RBFOX3: variants seen among roughly 807,000 people sequenced by gnomAD.
RBFOX3 encodes the protein RNA binding protein fox-1 homolog 3.
A neutral mutation model predicts 48.7 loss-of-function variants in RBFOX3; 17 were observed. The ratio of observed to expected loss-of-function variants is 0.35; its 90% CI spans 0.24 to 0.52. RBFOX3 has a LOEUF of 0.52. Among genes scored for constraint, RBFOX3 ranks in the 20% least tolerant of loss-of-function variants. RBFOX3 has a pLI of 0.94. For missense variants in RBFOX3, 382 were observed against 497.5 expected (o/e 0.77, Z 2.21); for synonymous variants, 212 against 209.5 (o/e 1.01, Z -0.10).
chr17:79,139,555 G>C (rs541992251), intron 4 of RBFOX3, among the ~76,000 whole-genome samples: 98 of 152,364 alleles, frequency 6.4e-4, no homozygotes, highest in African/African-American at 2.3e-3. Flanking sequence ...TCCCCGTGAG[G>C]CTGGCCGGAA....
chr17:79,295,860 C>A (rs529820626), intron 3 of RBFOX3, among the ~76,000 whole-genome samples: 1 of 152,194 alleles, frequency 6.6e-6, no homozygotes, highest in African/African-American at 2.4e-5. Flanking sequence ...GGGGACTGTG[C>A]AGTATGTTTC....
At chr17:79,193,831 A>G (rs2146558442) in intron 4 of RBFOX3, among the ~76,000 whole-genome samples, 1 of 152,222 alleles carries the variant, frequency 6.6e-6, no homozygotes, top group African/African-American at 2.4e-5. Flanking sequence ...GCCTATTGGG[A>G]GGCAATTTAG....
chr17:79,451,494 T>C (rs782395951), intron 2 of RBFOX3, among the ~76,000 whole-genome samples: 3 of 152,224 alleles, frequency 2.0e-5, no homozygotes, highest in Non-Finnish European at 4.4e-5. Flanking sequence ...CTCTTCACCT[T>C]GACTGCAGCT....
At chr17:79,186,453 C>T (rs1224719611) in intron 4 of RBFOX3, among the ~76,000 whole-genome samples, 3 of 152,228 alleles carry the variant, frequency 2.0e-5, no homozygotes, top group Admixed American at 6.5e-5. Context: ...CCCTCATCAC[C>T]TCCTACCTCC....
chr17:79,282,887 CT>C (rs1433633779), intron 3 of RBFOX3, among the ~76,000 whole-genome samples: 8 of 152,380 alleles, frequency 5.3e-5, no homozygotes, highest in Non-Finnish European at 1.2e-4. Context: ...ACCCTCAGCT[CT>C]GCCTGGTACC....
intron 2 of RBFOX3, among the ~76,000 whole-genome samples, chr17:79,341,966 C>T (rs142945206): frequency 1.1e-3 from 167 of 152,338 alleles, no homozygotes; most frequent in African/African-American, 3.7e-3. Context: ...GGCTTTGGCC[C>T]CCAAGGCTGG....
rs1456936610 is a variant in RBFOX3 at position 79,471,256 on chromosome 17, G to A, written c.-175+11198C>T. On this transcript the variant is annotated intron_variant, in intron 2 of 14. Coordinates refer to ENST00000693108, the MANE Select transcript of RBFOX3 (RefSeq NM_001350451.2). The surrounding 1 kb of genome is among the most constrained non-coding windows in gnomAD (Gnocchi z 4.0). ...TCGTGGCTCTCAGCTCATGGAAAGC[G>A]GGGTACGTGACCAGCACTGGCCAGG... Among the ~76,000 whole-genome samples the A allele has an allele frequency of 6.6e-6, 1 of 152,200 alleles. No homozygotes were observed. The highest frequency in any genetic ancestry group is 1.5e-5 in the Non-Finnish European group (1 of 68,040).
At chr17:79,306,313 T>C (rs533496201) in intron 3 of RBFOX3, among the ~76,000 whole-genome samples, 2 of 152,374 alleles carry the variant, frequency 1.3e-5, no homozygotes, top group African/African-American at 4.8e-5. Flanking sequence ...TCAGCAGTGC[T>C]AGCTGACAAC....
intron 1 of RBFOX3, among the ~76,000 whole-genome samples, chr17:79,565,493 C>T (rs899907710): frequency 6.6e-5 from 10 of 152,026 alleles, no homozygotes; most frequent in Non-Finnish European, 2.9e-5. Context: ...GCATGCACTA[C>T]CACACCCAAT....
At chr17:79,636,964 G>A in the RBFOX3 span, among the ~76,000 whole-genome samples, 3 of 152,180 alleles carry the variant, frequency 2.0e-5, no homozygotes, top group African/African-American at 4.8e-5. Flanking sequence ...AAAGTAAAGC[G>A]ATGGGAAAGG....
chr17:79,327,348 C>T (rs1038090857), intron 2 of RBFOX3, among the ~76,000 whole-genome samples: 1 of 152,322 alleles, frequency 6.6e-6, no homozygotes. Context: ...CTCACCCTGG[C>T]ACAAGCTCTG....
chr17:79,235,925 C>T (rs1039948454), intron 3 of RBFOX3, 120 bp from the exon 4 acceptor site: 4 of 153,260 alleles, frequency 2.6e-5, no homozygotes, highest in African/African-American at 7.2e-5. Flanking sequence ...GAAGCATCAT[C>T]TCCCTGGGAG....
rs1453205865 is a variant in RBFOX3 at position 79,199,474 on chromosome 17, G to C, written c.-34+36292C>G. Among the ~76,000 whole-genome samples, 1 of 151,520 alleles carries C rather than the reference G, an allele frequency of 6.6e-6. No homozygotes were observed. The highest frequency in any genetic ancestry group is 1.5e-5 in the Non-Finnish European group (1 of 67,968). ...GGGGAAATCAGCCCAGGTGGGACTT[G>C]AGGAAGAGGAGAAGGCCAGCCATCT... On this transcript the variant is annotated intron_variant, in intron 4 of 14. Coordinates refer to ENST00000693108, the MANE Select transcript of RBFOX3 (RefSeq NM_001350451.2). This position sits in a 1 kb window ranked among gnomAD's most constrained non-coding sequence, Gnocchi z 5.1.
At chr17:79,171,547 G>A (rs1040019058) in intron 4 of RBFOX3, among the ~76,000 whole-genome samples, 5 of 152,146 alleles carry the variant, frequency 3.3e-5, no homozygotes, top group Admixed American at 2.6e-4. Flanking sequence ...CAGTGGGACA[G>A]ATTTGTTCCA....
intron 2 of RBFOX3, among the ~76,000 whole-genome samples, chr17:79,338,695 G>A (rs777492464): frequency 2.0e-5 from 3 of 152,156 alleles, no homozygotes; most frequent in Admixed American, 6.5e-5. Context: ...TTTGGAACTC[G>A]CATTGCTACA....
chr17:79,573,136 C>T (rs1049020888), intron 1 of RBFOX3, among the ~76,000 whole-genome samples: 19 of 152,318 alleles, frequency 1.2e-4, no homozygotes, highest in African/African-American at 4.1e-4. Flanking sequence ...TTTCTGTCCC[C>T]TCTCCCTGAA....
intron 4 of RBFOX3, among the ~76,000 whole-genome samples, chr17:79,158,945 G>A (rs1416538428): frequency 1.3e-5 from 2 of 152,210 alleles, no homozygotes; most frequent in South Asian, 2.1e-4. Context: ...GGAGTGTGCT[G>A]TAAGCCCCAA....
At chr17:79,190,432 C>CAAAAAAACTTTAACAAA (rs758526092) in intron 4 of RBFOX3, among the ~76,000 whole-genome samples, 1 of 114,736 alleles carries the variant, frequency 8.7e-6, no homozygotes, top group Non-Finnish European at 1.8e-5. Context: ...AAAAAAAAAA[C>CAAAAAAACTTTAACAAA]AAAAAAACAG....
intron 2 of RBFOX3, among the ~76,000 whole-genome samples, chr17:79,463,300 A>C (rs111164266): frequency 0.23 from 4,421 of 19,032 alleles, 384 homozygotes; most frequent in Admixed American, 0.29. Context: ...CCACTGACAC[A>C]TCCACCACCA....
Sources: allele counts gnomAD v4.1 joint callset (sites outside exome capture counted in the v4.1 genomes callset), GRCh38; gene constraint gnomAD v4.1.1; non-coding constraint Gnocchi (gnomAD v3.1); transcripts MANE v1.5; gene names NCBI Gene and HGNC (gene_info 2026-07-23, HGNC 2026-07-21).